DENND1B: variants seen among roughly 807,000 people sequenced by gnomAD.
The protein encoded by DENND1B is DENN domain containing 1B, also known as DENN domain-containing protein 1B.
DENND1B carries 59 observed loss-of-function variants against 90.1 expected under a neutral mutation model. The ratio of observed to expected loss-of-function variants is 0.65; its 90% CI spans 0.53 to 0.81. The LOEUF is 0.81. Among genes scored for constraint, DENND1B ranks in the 40% least tolerant of loss-of-function variants. The pLI is 0.00. For synonymous variants in DENND1B, 337 were observed against 324.6 expected, an observed-to-expected ratio of 1.04 and a Z score of -0.41; for missense variants, 862 against 912.6, an observed-to-expected ratio of 0.94 and a Z score of 0.71.
intron 5 of DENND1B, among the ~76,000 whole-genome samples, chr1:197,661,422 C>T (rs1654393544): frequency 6.6e-6 from 1 of 151,830 alleles, no homozygotes; most frequent in Admixed American, 6.6e-5. Context: ...CTTTTAATAG[C>T]CTGAAGAAAT....
At chr1:197,619,022 A>G (rs568436080) in intron 10 of DENND1B, among the ~76,000 whole-genome samples, 18 of 151,208 alleles carry the variant, frequency 1.2e-4, no homozygotes, top group Non-Finnish European at 1.8e-4. Context: ...AAGTATATGC[A>G]TCTTTGCCAT....
chr1:197,774,654 C>CA (rs1230017415), intron 1 of DENND1B: 1 of 152,850 alleles, frequency 6.5e-6, no homozygotes, highest in African/African-American at 2.4e-5. Context: ...ACATCCAAGA[C>CA]AAAAGTAACA....
At chr1:197,620,177 T>A (rs1195951605) in intron 10 of DENND1B, among the ~76,000 whole-genome samples, 1 of 151,226 alleles carries the variant, frequency 6.6e-6, no homozygotes, top group Non-Finnish European at 1.5e-5. Context: ...CCTAGTAGCA[T>A]GCAAGAGCTG....
At position 197,672,009 on chromosome 1, in the gene DENND1B, T is replaced by G. The variant is rs371538104; in HGVS notation, c.296+28A>C. The G allele has an allele frequency of 4.4e-6, 7 of 1,601,248 alleles. No individual in the cohort carries two copies. In the African/African-American group the frequency reaches 9.4e-5, roughly 22 times the overall value. ...TAGAGAGATAGTTACCTATTTTGCA[T>G]CTAATTTTTTTTACTACAAATACTC... On this transcript the variant is annotated intron_variant, in intron 5 of 22. Coordinates refer to ENST00000620048, the MANE Select transcript of DENND1B (RefSeq NM_001195215.2).
At chr1:197,665,336 A>G (rs1468277838) in intron 5 of DENND1B, among the ~76,000 whole-genome samples, 1 of 152,202 alleles carries the variant, frequency 6.6e-6, no homozygotes, top group Non-Finnish European at 1.5e-5. Context: ...CAGTAATTTC[A>G]AGTCCTATAA....
chr1:197,695,025 T>A (rs1658287198), intron 3 of DENND1B, among the ~76,000 whole-genome samples: 1 of 151,258 alleles, frequency 6.6e-6, no homozygotes, highest in Non-Finnish European at 1.5e-5. Context: ...CACTATGTTT[T>A]TCCAAATTAG....
intron 11 of DENND1B, among the ~76,000 whole-genome samples, chr1:197,614,533 A>G (rs1677466189): frequency 6.6e-6 from 1 of 151,024 alleles, no homozygotes; most frequent in Non-Finnish European, 1.5e-5. Flanking sequence ...CTCTATGTGA[A>G]AAACTGTCCT....
intron 7 of DENND1B, among the ~76,000 whole-genome samples, chr1:197,648,289 G>A (rs1331746999): frequency 3.3e-5 from 5 of 152,150 alleles, no homozygotes; most frequent in Admixed American, 3.3e-4. Flanking sequence ...GGAAAAAAAA[G>A]GATCATCTAA....
At chr1:197,659,570 A>C (rs1442296300) in intron 5 of DENND1B, among the ~76,000 whole-genome samples, 1 of 152,006 alleles carries the variant, frequency 6.6e-6, no homozygotes, top group Admixed American at 6.6e-5. Flanking sequence ...ATAACTCCAA[A>C]ATGACAATAA....
Position 197,731,972 on chromosome 1 carries a change from C to T in DENND1B, c.83-16898G>A, listed in dbSNP as rs1166311126. 2.6e-5 allele frequency among the ~76,000 whole-genome samples: 4 copies of T among 152,174 alleles called. No homozygotes were observed. The East Asian group carries it at 7.7e-4, about 29-fold the overall frequency. On this transcript the variant is annotated intron_variant, in intron 2 of 22. Transcript: ENST00000620048. ...ATATCATTATATGCATTCACTATCA[C>T]TATTCGCTATCACTTTATTCATCAT...
intron 2 of DENND1B, chr1:197,734,402 C>T: frequency 5.1e-6 from 5 of 984,944 alleles, no homozygotes; most frequent in Non-Finnish European, 6.0e-6. Context: ...TTGGGGACTG[C>T]TGCAGTTTAT....
chr1:197,589,600 CT>C (rs1162460525), intron 14 of DENND1B, among the ~76,000 whole-genome samples: 1 of 152,092 alleles, frequency 6.6e-6, no homozygotes, highest in African/African-American at 2.4e-5. Flanking sequence ...AGTGAATGGC[CT>C]TTTAAATTAT....
At chr1:197,643,565 T>C (rs1680472955) in intron 9 of DENND1B, among the ~76,000 whole-genome samples, 1 of 152,200 alleles carries the variant, frequency 6.6e-6, no homozygotes, top group Non-Finnish European at 1.5e-5. Context: ...TGCCATTCAC[T>C]ATGCAGGCAC....
intron 13 of DENND1B, among the ~76,000 whole-genome samples, chr1:197,602,767 A>C (rs926202404): frequency 1.9e-4 from 29 of 151,580 alleles, no homozygotes; most frequent in African/African-American, 7.0e-4. Context: ...TGAAAAAACT[A>C]ATTCTCTCAA....
At chr1:197,679,306 CAGA>C (rs1465558223) in intron 3 of DENND1B, among the ~76,000 whole-genome samples, 1 of 148,992 alleles carries the variant, frequency 6.7e-6, no homozygotes, top group Non-Finnish European at 1.5e-5. Context: ...AAAAAAAAAT[CAGA>C]AGACTATGCA....
Position 197,744,154 on chromosome 1 carries a change from A to C in DENND1B, c.82+28714T>G, listed in dbSNP as rs80025666. Among the ~76,000 whole-genome samples the C allele has an allele frequency of 9.1e-3, 1,378 of 152,252 alleles. 19 individuals carry two copies. Among genetic ancestry groups the C allele is most frequent in the African/African-American group, 0.031 (1,273 of 41,544 alleles). ...GAACGTTGGAATCGATTTGTTTCAA[A>C]CTTCTGTTAATGTCGATATTTTGAC... On this transcript the variant is annotated intron_variant, in intron 2 of 22. Transcript: ENST00000620048.
chr1:197,720,478 T>C (rs1397811582), intron 2 of DENND1B, among the ~76,000 whole-genome samples: 1 of 152,018 alleles, frequency 6.6e-6, no homozygotes, highest in Non-Finnish European at 1.5e-5. Flanking sequence ...TGGGCTCAGG[T>C]GATCGTACTG....
chr1:197,583,460 C>A (rs1674422970), intron 14 of DENND1B, among the ~76,000 whole-genome samples: 1 of 152,136 alleles, frequency 6.6e-6, no homozygotes, highest in Non-Finnish European at 1.5e-5. Context: ...ATCCCATGTA[C>A]TCTTAAAATT....
intron 5 of DENND1B, among the ~76,000 whole-genome samples, chr1:197,667,421 T>C (rs909604920): frequency 6.6e-6 from 1 of 152,130 alleles, no homozygotes; most frequent in Non-Finnish European, 1.5e-5. Context: ...CCATTCTTTT[T>C]ATTTTTATTT....
Sources: allele counts gnomAD v4.1 joint callset (sites outside exome capture counted in the v4.1 genomes callset), GRCh38; gene constraint gnomAD v4.1.1; transcripts MANE v1.5; gene names NCBI Gene and HGNC (gene_info 2026-07-23, HGNC 2026-07-21).